IKZF3: variants seen among roughly 807,000 people sequenced by gnomAD.
IKZF3 encodes the protein IKAROS family zinc finger 3.
A neutral mutation model predicts 49.0 loss-of-function variants in IKZF3; 10 were observed. That is an observed-to-expected ratio of 0.20 (90% CI 0.13 to 0.35). The LOEUF is 0.35. Among genes scored for constraint, IKZF3 ranks in the 10% least tolerant of loss-of-function variants. The pLI is 1.00. For missense variants in IKZF3, 498 were observed against 664.8 expected (o/e 0.75, Z 2.76); for synonymous variants, 209 against 228.2 (o/e 0.92, Z 0.76).
intron 3 of IKZF3, among the ~76,000 whole-genome samples, chr17:39,801,126 A>C (rs918103231): frequency 6.6e-6 from 1 of 152,180 alleles, no homozygotes; most frequent in Admixed American, 6.5e-5. Context: ...AAGGGACAAA[A>C]CAAGATAGAG....
At chr17:39,817,182 T>C (rs1252492424) in intron 3 of IKZF3, among the ~76,000 whole-genome samples, 1 of 152,210 alleles carries the variant, frequency 6.6e-6, no homozygotes, top group Non-Finnish European at 1.5e-5. Context: ...AACAATTTTC[T>C]AAGAACTGGA....
At chr17:39,771,914 A>ATT (rs111869144) in intron 7 of IKZF3, among the ~76,000 whole-genome samples, 14 of 136,216 alleles carry the variant, frequency 1.0e-4, no homozygotes, top group African/African-American at 3.0e-4. Context: ...TAGGTTTTTG[A>ATT]TTTTTTTTTT....
intron 3 of IKZF3, among the ~76,000 whole-genome samples, chr17:39,798,837 T>C (rs1295529765): frequency 1.3e-5 from 2 of 152,138 alleles, no homozygotes; most frequent in African/African-American, 4.8e-5. Flanking sequence ...GTCAAACTAA[T>C]ATGCTGTCTC....
chr17:39,846,123 T>C (rs2062623311), intron 1 of IKZF3, among the ~76,000 whole-genome samples: 1 of 152,096 alleles, frequency 6.6e-6, no homozygotes, highest in African/African-American at 2.4e-5. Flanking sequence ...AAATAACCAA[T>C]CTCCTGATAT....
rs529475359 is a variant in IKZF3, at chr17:39,850,841, A to G, written c.7+13279T>C. The stretch of plus-strand genomic sequence containing the variant: ...ATATATAATATGCTATATAGTATAT[A>G]TAATATATAATATGCTCTATAGTAT... On this transcript the variant is annotated intron_variant, in intron 1 of 7. Coordinates refer to ENST00000346872, the MANE Select transcript of IKZF3 (RefSeq NM_012481.5). 2.9e-3 allele frequency among the ~76,000 whole-genome samples: 371 copies of G among 128,960 alleles called. 5 individuals are homozygous for G. Among genetic ancestry groups the G allele is most frequent in the Middle Eastern group, 4.3e-3 (1 of 234 alleles). 84.6% of individuals were successfully genotyped at this position (128,960 alleles called of 152,430 possible). A position where few individuals can be genotyped will look rare whatever the true frequency, so the allele number is the denominator to read the frequency against.
chr17:39,856,580 C>T (rs1016588197), intron 1 of IKZF3, among the ~76,000 whole-genome samples: 1 of 152,012 alleles, frequency 6.6e-6, no homozygotes, highest in Non-Finnish European at 1.5e-5. Context: ...CCAAGGCGGG[C>T]GGATCATCTG....
chr17:39,843,210 G>A (rs968997824), intron 1 of IKZF3, among the ~76,000 whole-genome samples: 69 of 152,268 alleles, frequency 4.5e-4, no homozygotes, highest in Non-Finnish European at 2.2e-4. Flanking sequence ...AGGATTGAAT[G>A]GTAGTAATGT....
chr17:39,805,615 CT>C (rs1415468561), intron 3 of IKZF3, among the ~76,000 whole-genome samples: 1 of 152,168 alleles, frequency 6.6e-6, no homozygotes, highest in African/African-American at 2.4e-5. Flanking sequence ...AATTAGAGCA[CT>C]GAGAAATAAT....
chr17:39,853,450 C>T (rs757640746), intron 1 of IKZF3, among the ~76,000 whole-genome samples: 18 of 152,172 alleles, frequency 1.2e-4, no homozygotes, highest in Non-Finnish European at 2.2e-4. Flanking sequence ...AGATGACCCA[C>T]CACTGATGCA....
chr17:39,843,409 C>T (rs1035699664), intron 1 of IKZF3, among the ~76,000 whole-genome samples: 3 of 151,396 alleles, frequency 2.0e-5, no homozygotes, highest in African/African-American at 7.3e-5. Context: ...AAACTTTCAA[C>T]TGCATGCTGA....
chr17:39,827,710 G>C (rs2061995910), intron 3 of IKZF3, among the ~76,000 whole-genome samples: 1 of 152,214 alleles, frequency 6.6e-6, no homozygotes, highest in South Asian at 2.1e-4. Flanking sequence ...CAGAACAGAA[G>C]ATATTGCACC....
At chr17:39,787,984 T>C (rs2060913552) in intron 6 of IKZF3, among the ~76,000 whole-genome samples, 1 of 152,248 alleles carries the variant, frequency 6.6e-6, no homozygotes, top group Non-Finnish European at 1.5e-5. Flanking sequence ...TCCCTAGTTA[T>C]CTGCAGGGCT....
At chr17:39,858,564 G>C (rs542799412) in intron 1 of IKZF3, among the ~76,000 whole-genome samples, 1 of 152,020 alleles carries the variant, frequency 6.6e-6, no homozygotes, top group Admixed American at 6.6e-5. Flanking sequence ...AGGCTGGAGT[G>C]CAGTGGCGCG....
intron 7 of IKZF3, among the ~76,000 whole-genome samples, chr17:39,768,177 T>C (rs1418826195): frequency 1.3e-5 from 2 of 152,124 alleles, no homozygotes; most frequent in African/African-American, 4.8e-5. Flanking sequence ...TAAGGTAACA[T>C]ACAGGCATCG....
intron 3 of IKZF3, among the ~76,000 whole-genome samples, chr17:39,814,901 C>A (rs1312420099): frequency 3.9e-5 from 6 of 152,106 alleles, no homozygotes; most frequent in Non-Finnish European, 8.8e-5. Flanking sequence ...AAAACTAAGA[C>A]AGAGGGTAAA....
In IKZF3 at chr17:39,762,306, G is replaced by T. The variant is rs376058901; in HGVS notation, c.*3484C>A. On this transcript the variant is annotated 3_prime_UTR_variant, in exon 8 of 8. Coordinates refer to ENST00000346872, the MANE Select transcript of IKZF3 (RefSeq NM_012481.5). The stretch of plus-strand genomic sequence containing the variant: ...ATAAGGGGTATGTACAGAAGGCAGC[G>T]TTTATCTGTGTGATGGTAACCACTG... The T allele has an allele frequency of 6.6e-6, 1 of 152,190 alleles. No individual in the cohort carries two copies. Among genetic ancestry groups the T allele is most frequent in the Non-Finnish European group, 1.5e-5 (1 of 68,032 alleles). 9.4% of individuals were successfully genotyped at this position (152,190 alleles called of 1,614,324 possible).
Position 39,861,529 on chromosome 17 carries a change from G to A in IKZF3, c.7+2591C>T, listed in dbSNP as rs567068032. On this transcript the variant is annotated intron_variant, in intron 1 of 7. Transcript: ENST00000346872. ...AATTATGTTCTACCAGGACGCCACGGCCTTTCTGTGGCTTTTGTTTCTTAA... is the reference window on the plus strand; with the variant it reads ...AATTATGTTCTACCAGGACGCCACGACCTTTCTGTGGCTTTTGTTTCTTAA... Among the ~76,000 whole-genome samples the A allele has an allele frequency of 7.2e-5, 11 of 152,234 alleles. No individual in the cohort carries two copies. In the South Asian group the frequency reaches 1.9e-3, roughly 26 times the overall value.
At chr17:39,836,375 A>G (rs2062282643) in intron 1 of IKZF3, among the ~76,000 whole-genome samples, 1 of 152,158 alleles carries the variant, frequency 6.6e-6, no homozygotes, top group Non-Finnish European at 1.5e-5. Flanking sequence ...CCGGGGCCAG[A>G]GGTGGACACC....
At chr17:39,855,879 CAAGA>C (rs1174400679) in intron 1 of IKZF3, among the ~76,000 whole-genome samples, 2 of 151,866 alleles carry the variant, frequency 1.3e-5, no homozygotes, top group African/African-American at 4.8e-5. Context: ...AAAAATCAAA[CAAGA>C]AATGCCCCAA....
Sources: gnomAD v4.1 joint callset for allele counts (sites outside exome capture counted in the v4.1 genomes callset) on GRCh38, gnomAD v4.1.1 for gene constraint, MANE v1.5 for transcripts, NCBI Gene and HGNC (gene_info 2026-07-23, HGNC 2026-07-21) for gene names.